The following AKR1D1 variants were observed in gnomAD, a reference collection of about 807,000 sequenced individuals.
AKR1D1 encodes the protein aldo-keto reductase family 1 member D1.
AKR1D1 carries 32 observed loss-of-function variants against 42.6 expected under a neutral mutation model. The ratio of observed to expected loss-of-function variants is 0.75; its 90% CI spans 0.57 to 1.01. The LOEUF is 1.01. AKR1D1 is among the 50% of genes least tolerant of loss of function. The pLI, the probability that AKR1D1 is intolerant of heterozygous loss-of-function variation, is 0.00. For synonymous variants in AKR1D1, 123 were observed against 135.5 expected (o/e 0.91, Z 0.64); for missense variants, 364 against 402.2 (o/e 0.91, Z 0.81).
intron 7 of AKR1D1, among the ~76,000 whole-genome samples, chr7:138,111,505 A>C (rs1428696926): frequency 2.0e-5 from 3 of 152,228 alleles, no homozygotes; most frequent in Non-Finnish European, 2.9e-5. Context: ...CATCTGATAC[A>C]GTTAACAATA....
chr7:138,091,083 C>A (rs117256343), intron 2 of AKR1D1, among the ~76,000 whole-genome samples: 1 of 152,100 alleles, frequency 6.6e-6, no homozygotes, highest in Non-Finnish European at 1.5e-5. Flanking sequence ...CATTGTGTAA[C>A]CCTAGTTATA....
Position 138,093,852 on chromosome 7 carries a change from C to G in AKR1D1, c.378+1968C>G, listed in dbSNP as rs1794135167. 3.3e-5 allele frequency among the ~76,000 whole-genome samples: 5 copies of G among 152,048 alleles called. No homozygotes were observed. The South Asian group carries it at 1.0e-3, about 32-fold the overall frequency. On this transcript the variant is annotated intron_variant, in intron 3 of 8. Transcript: ENST00000242375. ...GGCAGCACAGTTGGTTTGTTTACACCAGCAACACCACAAACATGATGTCAC... is the reference window on the plus strand; with the variant it reads ...GGCAGCACAGTTGGTTTGTTTACACGAGCAACACCACAAACATGATGTCAC...
At chr7:138,093,229 C>T (rs925654065) in intron 3 of AKR1D1, among the ~76,000 whole-genome samples, 8 of 152,034 alleles carry the variant, frequency 5.3e-5, no homozygotes, top group East Asian at 1.9e-4. Context: ...CCATCACACC[C>T]GGCTAAGTTT....
At chr7:138,095,534 T>C (rs1180433628) in intron 3 of AKR1D1, among the ~76,000 whole-genome samples, 1 of 152,088 alleles carries the variant, frequency 6.6e-6, no homozygotes, top group East Asian at 1.9e-4. Context: ...TTTTGTTTTG[T>C]TTTGTTTTGA....
Position 138,094,579 on chromosome 7 carries a change from G to C in AKR1D1, c.378+2695G>C, listed in dbSNP as rs138161659. Reference sequence around the variant, plus strand: ...CTGTCACCCAGGCTGGACTGCAGTGGTGTGTGGCTCACTGTAGCCTTGAGA... The same window carrying C: ...CTGTCACCCAGGCTGGACTGCAGTGCTGTGTGGCTCACTGTAGCCTTGAGA... On this transcript the variant is annotated intron_variant, in intron 3 of 8. Coordinates refer to ENST00000242375, the MANE Select transcript of AKR1D1 (RefSeq NM_005989.4). Among the ~76,000 whole-genome samples, 29 of 152,254 alleles carry C rather than the reference G, an allele frequency of 1.9e-4. No individual in the cohort carries two copies. In the East Asian group the frequency reaches 5.6e-3, roughly 30 times the overall value.
chr7:138,101,179 C>CCTT (rs1794306107), intron 4 of AKR1D1, among the ~76,000 whole-genome samples: 1 of 22,254 alleles, frequency 4.5e-5, no homozygotes, highest in African/African-American at 1.8e-4. Flanking sequence ...CTCCCTCCCT[C>CCTT]CCTCCCTCCC....
intron 1 of AKR1D1, 94 bp downstream of exon 1, chr7:138,076,705 G>T (rs1802945825): frequency 9.2e-7 from 1 of 1,087,742 alleles, no homozygotes. Flanking sequence ...AGATCTCATT[G>T]ACTTACTTTT....
At chr7:138,112,518 G>A (rs1794554679) in intron 7 of AKR1D1, among the ~76,000 whole-genome samples, 1 of 152,140 alleles carries the variant, frequency 6.6e-6, no homozygotes, top group African/African-American at 2.4e-5. Context: ...AAGGAAAGTT[G>A]TAGAATCATA....
intron 4 of AKR1D1, among the ~76,000 whole-genome samples, chr7:138,101,149 TTCCCTCCCTCCCTCCCTCCCTCCC>T (rs146945403): frequency 0.089 from 8,548 of 95,892 alleles, 508 homozygotes; most frequent in East Asian, 0.17. Flanking sequence ...AGTGTTTTCT[TTCCCTCCCTCCCTCCCTCCCTCCC>T]TCCCTCCCTC....
chr7:138,093,517 T>A (rs1385773737), intron 3 of AKR1D1, among the ~76,000 whole-genome samples: 2 of 152,126 alleles, frequency 1.3e-5, no homozygotes, highest in Non-Finnish European at 2.9e-5. Context: ...AGGGTCAGCA[T>A]CATCAATATC....
chr7:138,103,452 A>G (rs1159322922), intron 4 of AKR1D1, among the ~76,000 whole-genome samples: 3 of 152,204 alleles, frequency 2.0e-5, no homozygotes, highest in African/African-American at 7.2e-5. Flanking sequence ...AAAGTAATAA[A>G]GAGTTAAGAA....
At chr7:138,089,854 T>C (rs1255764911) in intron 2 of AKR1D1, among the ~76,000 whole-genome samples, 1 of 152,120 alleles carries the variant, frequency 6.6e-6, no homozygotes, top group Non-Finnish European at 1.5e-5. Flanking sequence ...AGAGGCAATG[T>C]GGGGGTGATT....
At chr7:138,090,675 A>G (rs1388962470) in intron 2 of AKR1D1, among the ~76,000 whole-genome samples, 1 of 151,968 alleles carries the variant, frequency 6.6e-6, no homozygotes, top group African/African-American at 2.4e-5. Context: ...GTATGATTCT[A>G]AACTTATATC....
chr7:138,113,906 T>C, intron 8 of AKR1D1, 134 bp downstream of exon 8: 1 of 773,618 alleles, frequency 1.3e-6, no homozygotes, highest in Non-Finnish European at 2.2e-6. Flanking sequence ...ATATTCTGAA[T>C]GTTAACATGC....
chr7:138,106,635 C>G lies in AKR1D1; in HGVS notation c.607C>G (p.Pro203Ala). ...QVECHPYFTQ[P>A]KLLKFCQQHD... ...TGAGTGCCATCCGTATTTCACCCAG[C>G]CAAAACTCTTGAAATTTTGCCAACA... Residue 203 changes from proline (P) to alanine (A), a missense_variant, in exon 6 of 9, where the codon CCA becomes GCA. By Grantham distance (27) the Pro-to-Ala change is conservative (BLOSUM62 -1). Coordinates refer to ENST00000242375, the MANE Select transcript of AKR1D1 (RefSeq NM_005989.4). 6.2e-7 allele frequency: 1 copy of G among 1,614,148 alleles called. No individual in the cohort carries two copies. Among genetic ancestry groups the G allele is most frequent in the Middle Eastern group, 1.7e-4 (1 of 6,060 alleles).
Position 138,091,899 on chromosome 7 carries a change from C to T in AKR1D1, c.378+15C>T, listed in dbSNP as rs1189363174. ...TGGCCTTTAAGGTGAGTTCAGATGC[C>T]CAAAGGTCAGGTCTCTGCACCCTGG... is the stretch of plus-strand genomic sequence containing the variant. On this transcript the variant is annotated intron_variant, in intron 3 of 8. Transcript: ENST00000242375. 2 of 1,574,384 alleles carry T rather than the reference C, an allele frequency of 1.3e-6. No individual in the cohort carries two copies. Among genetic ancestry groups the T allele is most frequent in the Non-Finnish European group, 1.7e-6 (2 of 1,144,678 alleles).
At chr7:138,110,581 C>T (rs1794517875) in intron 7 of AKR1D1, among the ~76,000 whole-genome samples, 1 of 151,938 alleles carries the variant, frequency 6.6e-6, no homozygotes, top group South Asian at 2.1e-4. Context: ...GGCAAAACCC[C>T]ATCTCTACTA....
chr7:138,087,884 ATTTCT>A (rs763898273), intron 1 of AKR1D1, among the ~76,000 whole-genome samples: 142 of 145,996 alleles, frequency 9.7e-4, no homozygotes, highest in Non-Finnish European at 1.5e-3. Flanking sequence ...TCAATGCTAC[ATTTCT>A]TTTCTTTTTT....
Position 138,107,570 on chromosome 7 carries a change from A to C in AKR1D1, c.845A>C (p.Glu282Ala). 6.2e-7 allele frequency: 1 copy of C among 1,613,788 alleles called. No individual in the cohort carries two copies. The highest frequency in any genetic ancestry group is 8.5e-7 in the Non-Finnish European group (1 of 1,179,988). The stretch of plus-strand genomic sequence containing the variant: ...AGCTTTAATCTTGAAAGGATCAAAG[A>C]AAATTTTCAGGTAAGAGAATTGCTT... ...PKSFNLERIKENFQIFDFSLT... is the reference protein window; with the variant it reads ...PKSFNLERIKANFQIFDFSLT... The change falls in exon 7 of 9, where the codon GAA becomes GCA. Residue 282 changes from glutamate (E) to alanine (A), a missense_variant. Glu to Ala is a moderately radical substitution (Grantham distance 107). Transcript: ENST00000242375.
Sources: gnomAD v4.1 joint callset for allele counts (sites outside exome capture counted in the v4.1 genomes callset) on GRCh38, gnomAD v4.1.1 for gene constraint, MANE v1.5 for transcripts, NCBI Gene and HGNC (gene_info 2026-07-23, HGNC 2026-07-21) for gene names.